The following PODXL variants were observed in gnomAD, a reference collection of about 807,000 sequenced individuals.
PODXL encodes the protein podocalyxin like.
A neutral mutation model predicts 48.9 loss-of-function variants in PODXL; 20 were observed. The observed-to-expected ratio is 0.41, with a 90% confidence interval of 0.29 to 0.59. The LOEUF (loss-of-function observed/expected upper bound fraction) is 0.59. PODXL is among the 20% of genes least tolerant of loss of function. PODXL has a pLI of 0.31. For missense variants in PODXL, 606 were observed against 675.1 expected (o/e 0.90, Z 1.13); for synonymous variants, 295 against 287.4 (o/e 1.03, Z -0.27).
At chr7:131,521,952 T>C (rs1798098824) in intron 1 of PODXL, among the ~76,000 whole-genome samples, 2 of 151,982 alleles carry the variant, frequency 1.3e-5, no homozygotes, top group African/African-American at 4.8e-5. Context: ...GGGAAGAGAA[T>C]AGGAAAGATA....
At chr7:131,529,733 C>T (rs1218872204) in intron 1 of PODXL, among the ~76,000 whole-genome samples, 1 of 152,046 alleles carries the variant, frequency 6.6e-6, no homozygotes, top group Non-Finnish European at 1.5e-5. Flanking sequence ...TCTCATCCTG[C>T]CCCCGCCTTG....
chr7:131,556,069 T>C (rs955893488), intron 1 of PODXL, among the ~76,000 whole-genome samples, 191 bp downstream of exon 1: 8 of 152,226 alleles, frequency 5.3e-5, no homozygotes, highest in African/African-American at 9.6e-5. Flanking sequence ...GCCCAGGCCC[T>C]GCACCTGCCG....
rs3212300 is a variant in PODXL at position 131,506,702 on chromosome 7, A to C, written c.1126T>G (p.Leu376Val). The C allele has an allele frequency of 4.3e-6, 7 of 1,614,044 alleles. No individual in the cohort carries two copies. Among genetic ancestry groups the C allele is most frequent in the Non-Finnish European group, 5.9e-6 (7 of 1,179,988 alleles). ...LCAGGASDEKLISLICRAVKA... is the reference protein window; with the variant it reads ...LCAGGASDEKVISLICRAVKA... ...ACTGCTCGGCATATCAGTGAGATCA[A>C]TTTCTCATCCGAAGCGCCCCCTGCC... Residue 376 changes from leucine to valine, a missense_variant, in exon 6 of 9, where the codon TTG (leucine) becomes GTG (valine). Leu to Val is a conservative substitution (Grantham distance 32, BLOSUM62 1). Coordinates refer to ENST00000378555, the MANE Select transcript of PODXL (RefSeq NM_001018111.3).
chr7:131,506,446 G>C lies in PODXL; in HGVS notation c.1250-125C>G, dbSNP rs550213437. 3.5e-6 allele frequency: 5 copies of C among 1,426,714 alleles called. No individual in the cohort carries two copies. The East Asian group carries it at 9.1e-5, about 26-fold the overall frequency. 88.4% of individuals were successfully genotyped at this position (1,426,714 alleles called of 1,614,324 possible). ...CCTGAGTGTCTCTCGGGTGACCTGG[G>C]AGGGGGTGTGGCTTGACAGTTCTTA... On this transcript the variant is annotated intron_variant, in intron 6 of 8. Coordinates refer to ENST00000378555, the MANE Select transcript of PODXL (RefSeq NM_001018111.3).
rs916988347 is a variant in PODXL at position 131,500,480 on chromosome 7, A to G, written c.*3831T>C. The G allele has an allele frequency of 6.6e-6, 1 of 152,550 alleles. No homozygotes were observed. The highest frequency in any genetic ancestry group is 1.9e-4 in the East Asian group (1 of 5,190). The allele number at this position is 152,550 out of a possible 1,614,324, so 9.4% of individuals were successfully genotyped here. A position where few individuals can be genotyped will look rare whatever the true frequency, so the allele number is the denominator to read the frequency against. ...ACTGCAGACAAAAAGACCAACACCA[A>G]AGAGTCATCTGTGTCCTCCATGCTG... On this transcript the variant is annotated 3_prime_UTR_variant, in exon 9 of 9. Coordinates refer to ENST00000378555, the MANE Select transcript of PODXL (RefSeq NM_001018111.3).
At chr7:131,528,034 G>A (rs1357994869) in intron 1 of PODXL, among the ~76,000 whole-genome samples, 3 of 151,430 alleles carry the variant, frequency 2.0e-5, no homozygotes, top group Admixed American at 2.0e-4. Flanking sequence ...CTCCCAAGTA[G>A]CTGGGATTAC....
In PODXL at chr7:131,504,370, C is replaced by T. The variant is rs139425581; in HGVS notation, c.1618G>A (p.Val540Ile). The change falls in exon 9 of 9, where the codon GTC (valine) becomes ATC (isoleucine). Residue 540 changes from valine to isoleucine, a missense_variant. Transcript: ENST00000378555. ...LNGELGDSWI[V>I]PLDNLTKDDL... is the part of the protein sequence containing the mutation. ...TCCTTGGTCAGGTTGTCCAGAGGGA[C>T]GATCCAGCTGTCCCCCAGCTCCCCG... The T allele has an allele frequency of 1.2e-4, 189 of 1,614,162 alleles. No individual in the cohort carries two copies. The African/African-American group carries it at 1.7e-3, about 14-fold the overall frequency.
intron 1 of PODXL, among the ~76,000 whole-genome samples, chr7:131,542,953 C>T (rs1406610719): frequency 1.3e-5 from 2 of 152,092 alleles, no homozygotes; most frequent in Non-Finnish European, 1.5e-5. Context: ...ATGCAGAGCA[C>T]GAGGAGCTGA....
intron 1 of PODXL, among the ~76,000 whole-genome samples, chr7:131,523,190 G>C (rs1360331314): frequency 6.6e-6 from 1 of 152,144 alleles, no homozygotes; most frequent in African/African-American, 2.4e-5. Flanking sequence ...CTTGCCAACA[G>C]TTATCATCTT....
At chr7:131,556,168 C>T (rs918370935) in intron 1 of PODXL, 92 bp downstream of exon 1, 3 of 1,342,890 alleles carry the variant, frequency 2.2e-6, no homozygotes, top group Non-Finnish European at 2.9e-6. Flanking sequence ...GGGGTCGGAC[C>T]ACGCGGCGCG....
intron 1 of PODXL, among the ~76,000 whole-genome samples, chr7:131,518,676 G>C (rs1406323514): frequency 2.0e-5 from 3 of 152,186 alleles, no homozygotes; most frequent in Non-Finnish European, 2.9e-5. Flanking sequence ...CTGCCATAGA[G>C]TGAGCTCCTT....
At chr7:131,540,465 G>GC (rs1229517716) in intron 1 of PODXL, among the ~76,000 whole-genome samples, 1 of 151,242 alleles carries the variant, frequency 6.6e-6, no homozygotes. Context: ...CCCTGCCCCC[G>GC]CCCCCCAATA....
chr7:131,504,394 C>T lies in PODXL; in HGVS notation c.1594G>A (p.Gly532Arg), dbSNP rs374274265. 37 of 1,614,082 alleles carry T rather than the reference C, an allele frequency of 2.3e-5. No homozygotes were observed. The highest frequency in any genetic ancestry group is 2.4e-5 in the Non-Finnish European group (28 of 1,180,044). The change falls in exon 9 of 9, where the codon GGG becomes AGG. Residue 532 changes from glycine (G) to arginine (R), a missense_variant. Transcript: ENST00000378555. ...ACGATCCAGCTGTCCCCCAGCTCCCCGTTGAGGCTGACCACCTTCTTCTCC... is the reference window on the plus strand; with the variant it reads ...ACGATCCAGCTGTCCCCCAGCTCCCTGTTGAGGCTGACCACCTTCTTCTCC... ...MQEKKVVSLNGELGDSWIVPL... is the reference protein window; with the variant it reads ...MQEKKVVSLNRELGDSWIVPL...
At chr7:131,545,553 C>G (rs1341204785) in intron 1 of PODXL, among the ~76,000 whole-genome samples, 1 of 152,168 alleles carries the variant, frequency 6.6e-6, no homozygotes. Context: ...GAGTGTTTCA[C>G]AAGATGTTAA....
intron 1 of PODXL, among the ~76,000 whole-genome samples, chr7:131,528,734 A>T (rs958905682): frequency 6.6e-6 from 1 of 152,188 alleles, no homozygotes; most frequent in African/African-American, 2.4e-5. Context: ...AAATGGAGGC[A>T]AAGGTTTATC....
At chr7:131,552,731 C>T (rs1220836070) in intron 1 of PODXL, among the ~76,000 whole-genome samples, 3 of 152,202 alleles carry the variant, frequency 2.0e-5, no homozygotes, top group African/African-American at 7.2e-5. Context: ...GCCTCAGATC[C>T]TGTCCCAAGC....
intron 8 of PODXL, 77 bp from the exon 9 acceptor site, chr7:131,504,585 T>A: frequency 8.2e-7 from 1 of 1,213,030 alleles, no homozygotes; most frequent in East Asian, 2.3e-5. Flanking sequence ...TACGTACCCC[T>A]CCCACTCAGG....
intron 1 of PODXL, among the ~76,000 whole-genome samples, chr7:131,541,909 A>C (rs1798489670): frequency 6.6e-6 from 1 of 152,168 alleles, no homozygotes; most frequent in Admixed American, 6.5e-5. Context: ...GGCCAGCCCC[A>C]GTTGGAGCCA....
At chr7:131,524,845 C>G (rs1015383981) in intron 1 of PODXL, among the ~76,000 whole-genome samples, 5 of 152,030 alleles carry the variant, frequency 3.3e-5, no homozygotes, top group African/African-American at 9.7e-5. Flanking sequence ...CTGAGAACCA[C>G]CAAGATATTC....
Sources: gnomAD v4.1 joint callset for allele counts (sites outside exome capture counted in the v4.1 genomes callset) on GRCh38, gnomAD v4.1.1 for gene constraint, MANE v1.5 for transcripts, NCBI Gene and HGNC (gene_info 2026-07-23, HGNC 2026-07-21) for gene names.